The following TRMT61B variants were observed in gnomAD, a reference collection of about 807,000 sequenced individuals.
TRMT61B encodes the protein tRNA (adenine(58)-N(1))-methyltransferase, mitochondrial.
Under a neutral mutation model 52.0 loss-of-function variants are expected in TRMT61B, and 56 were observed. That is an observed-to-expected ratio of 1.08 (90% CI 0.87 to 1.35). The LOEUF is 1.35. TRMT61B is among the 40% of genes most tolerant of loss of function. The pLI, the probability that TRMT61B is intolerant of heterozygous loss-of-function variation, is 0.00. For missense variants in TRMT61B, 650 were observed against 577.9 expected, an observed-to-expected ratio of 1.12 and a Z score of -1.28; for synonymous variants, 206 against 220.0, an observed-to-expected ratio of 0.94 and a Z score of 0.56.
rs762290416 is a variant in TRMT61B, at chr2:28,869,912, A to AGGATCCTC, written c.358_365dup (p.Ser123ArgfsTer37). The AGGATCCTC allele has an allele frequency of 1.4e-5, 22 of 1,613,854 alleles. No homozygotes were observed. The highest frequency in any genetic ancestry group is 1.7e-4 in the Middle Eastern group (1 of 6,060). On this transcript the variant is annotated frameshift_variant, in exon 1 of 7. Transcript: ENST00000306108. LOFTEE classifies it high-confidence loss of function. ...CGGACTGGGCCTGCGAGAGCATCGA[A>AGGATCCTC]GGATCCTCGGATCCCTGGTGTGTGG...
intron 2 of TRMT61B, among the ~76,000 whole-genome samples, chr2:28,863,638 G>A (rs776127766): frequency 2.0e-5 from 3 of 152,120 alleles, no homozygotes; most frequent in Non-Finnish European, 1.5e-5. Flanking sequence ...AAATGAAACC[G>A]TGCAGTTAGG....
chr2:28,852,643 T>A (rs1669172235), intron 3 of TRMT61B, 144 bp from the exon 4 acceptor site: 5 of 617,986 alleles, frequency 8.1e-6, no homozygotes, highest in Non-Finnish European at 1.4e-5. Flanking sequence ...ACTATCATTT[T>A]ACCACTCCCA....
intron 1 of TRMT61B, among the ~76,000 whole-genome samples, chr2:28,866,712 G>A (rs995604500): frequency 1.3e-5 from 2 of 152,122 alleles, no homozygotes; most frequent in Admixed American, 1.3e-4. Flanking sequence ...CTAGATTGGA[G>A]GACCCACTTG....
intron 3 of TRMT61B, among the ~76,000 whole-genome samples, chr2:28,853,508 A>C (rs1383140399): frequency 6.6e-6 from 1 of 152,150 alleles, no homozygotes; most frequent in East Asian, 1.9e-4. Context: ...AAAACTTATA[A>C]ATTTAAATGC....
chr2:28,864,589 G>A (rs1321381932), intron 2 of TRMT61B, among the ~76,000 whole-genome samples: 1 of 152,146 alleles, frequency 6.6e-6, no homozygotes, highest in African/African-American at 2.4e-5. Context: ...GTTTCCTTTG[G>A]TGATGATAAG....
In TRMT61B at chr2:28,852,440, C is replaced by T; in HGVS notation, c.1053G>A (p.Lys351=). 6.2e-7 allele frequency: 1 copy of T among 1,610,962 alleles called. No individual in the cohort carries two copies. The highest frequency in any genetic ancestry group is 8.5e-7 in the Non-Finnish European group (1 of 1,177,744). ...VTLPVFYPHL[K]HGGVCAVYVV... ...CATATACAGCACATACACCACCATG[C>T]TTAAGATGTGGGTAAAAAACAGGCA... is the stretch of plus-strand genomic sequence containing the variant. The change falls in exon 4 of 7, where the codon AAG becomes AAA. Residue 351 remains lysine, a synonymous_variant. Coordinates refer to ENST00000306108, the MANE Select transcript of TRMT61B (RefSeq NM_017910.4).
chr2:28,852,369 A>T, intron 4 of TRMT61B, 39 bp downstream of exon 4: 1 of 1,296,212 alleles, frequency 7.7e-7, no homozygotes, highest in Non-Finnish European at 1.1e-6. Context: ...AAGTGCACTT[A>T]AAAGTTACAT....
chr2:28,854,943 A>G (rs554853079), intron 3 of TRMT61B, among the ~76,000 whole-genome samples: 7 of 152,164 alleles, frequency 4.6e-5, no homozygotes, highest in Admixed American at 4.6e-4. Context: ...TAAGCAGAGA[A>G]AGAGGGAAAG....
At chr2:28,851,812 G>C (rs1000763048) in intron 4 of TRMT61B, among the ~76,000 whole-genome samples, 2 of 144,608 alleles carry the variant, frequency 1.4e-5, no homozygotes, top group African/African-American at 5.2e-5. Context: ...CCAGGAGGCG[G>C]AGGTTGCAGC....
chr2:28,856,263 T>C (rs1430124904), intron 3 of TRMT61B, among the ~76,000 whole-genome samples: 1 of 152,240 alleles, frequency 6.6e-6, no homozygotes, highest in East Asian at 1.9e-4. Flanking sequence ...GGGGTTTTGG[T>C]GCTTCTGTTT....
Position 28,865,213 on chromosome 2 carries a change from G to A in TRMT61B, c.700-94C>T, listed in dbSNP as rs1255491470. The A allele has an allele frequency of 1.6e-5, 11 of 686,772 alleles. No homozygotes were observed. In the South Asian group the frequency reaches 1.9e-4, roughly 12 times the overall value. The allele number at this position is 686,772 out of a possible 1,614,324, so 42.5% of individuals were successfully genotyped here. On this transcript the variant is annotated intron_variant, in intron 1 of 6. Coordinates refer to ENST00000306108, the MANE Select transcript of TRMT61B (RefSeq NM_017910.4). Reference sequence around the variant, plus strand: ...ACATTGTTGGGTGTGCAGAAGAAGGGAGTGAAAAAACGAATCAGACTCTGG... The same window carrying A: ...ACATTGTTGGGTGTGCAGAAGAAGGAAGTGAAAAAACGAATCAGACTCTGG...
chr2:28,851,338 A>G lies in TRMT61B; in HGVS notation c.1086-40T>C, dbSNP rs373722863. On this transcript the variant is annotated intron_variant, in intron 4 of 6. Coordinates refer to ENST00000306108, the MANE Select transcript of TRMT61B (RefSeq NM_017910.4). ...AAAAATTTACATTTCTACTAAAATAATAACATTATATTTATTTAAGTTCCC... is the reference window on the plus strand; with the variant it reads ...AAAAATTTACATTTCTACTAAAATAGTAACATTATATTTATTTAAGTTCCC... 9.2e-5 allele frequency: 124 copies of G among 1,352,720 alleles called. No individual in the cohort carries two copies. In the African/African-American group the frequency reaches 1.7e-3, roughly 18 times the overall value. 83.8% of individuals were successfully genotyped at this position (1,352,720 alleles called of 1,614,324 possible).
In TRMT61B at chr2:28,862,245, T is replaced by C. The variant is rs1421091453; in HGVS notation, c.803-937A>G. ...AAAAAAAAGAATACCTGTATCTCCA[T>C]ACTCTCCCTAAGTTATTGAACTTTT... is the stretch of plus-strand genomic sequence containing the variant. On this transcript the variant is annotated intron_variant, in intron 2 of 6. Coordinates refer to ENST00000306108, the MANE Select transcript of TRMT61B (RefSeq NM_017910.4). Among the ~76,000 whole-genome samples, 5 of 147,828 alleles carry C rather than the reference T, an allele frequency of 3.4e-5. No individual in the cohort carries two copies. In the South Asian group the frequency reaches 1.1e-3, roughly 32 times the overall value.
chr2:28,865,558 A>T (rs1019597918), intron 1 of TRMT61B, among the ~76,000 whole-genome samples: 3 of 152,136 alleles, frequency 2.0e-5, no homozygotes, highest in African/African-American at 4.8e-5. Context: ...TATAAATGGC[A>T]TTTTATGAGG....
At chr2:28,861,770 A>G (rs13035231) in intron 2 of TRMT61B, 3,652 of 152,870 alleles carry the variant, frequency 0.024, 59 homozygotes, top group Non-Finnish European at 0.037. Flanking sequence ...TCTTTGTATC[A>G]AGCCAGTATA....
At chr2:28,868,000 G>A (rs1669920330) in intron 1 of TRMT61B, among the ~76,000 whole-genome samples, 1 of 151,858 alleles carries the variant, frequency 6.6e-6, no homozygotes, top group African/African-American at 2.4e-5. Context: ...TACAGTAAGA[G>A]GTGATTGAGC....
In TRMT61B at chr2:28,858,869, C is replaced by T. The variant is rs114295326; in HGVS notation, c.993+2249G>A. 7.4e-3 allele frequency among the ~76,000 whole-genome samples: 1,092 copies of T among 148,366 alleles called. 8 individuals carry two copies. Among genetic ancestry groups the T allele is most frequent in the African/African-American group, 0.021 (864 of 40,326 alleles). ...GGAGAATGACAGTATCAGAAATACA[C>T]ATCTATACATACATATTTGTTTATT... On this transcript the variant is annotated intron_variant, in intron 3 of 6. Coordinates refer to ENST00000306108, the MANE Select transcript of TRMT61B (RefSeq NM_017910.4).
chr2:28,862,472 A>C (rs1669649843), intron 2 of TRMT61B, among the ~76,000 whole-genome samples: 1 of 150,794 alleles, frequency 6.6e-6, no homozygotes, highest in Admixed American at 6.6e-5. Flanking sequence ...AGCTGGGACG[A>C]CAGGTGTGTG....
At chr2:28,853,679 T>A (rs2148123347) in intron 3 of TRMT61B, among the ~76,000 whole-genome samples, 1 of 152,058 alleles carries the variant, frequency 6.6e-6, no homozygotes, top group African/African-American at 2.4e-5. Flanking sequence ...CTACTGAAAA[T>A]ACAAAAATTA....
Sources: allele counts gnomAD v4.1 joint callset (sites outside exome capture counted in the v4.1 genomes callset), GRCh38; gene constraint gnomAD v4.1.1; transcripts MANE v1.5; gene names NCBI Gene and HGNC (gene_info 2026-07-23, HGNC 2026-07-21).